HIF1A: variants seen among roughly 807,000 people sequenced by gnomAD.
HIF1A encodes the protein hypoxia inducible factor 1 subunit alpha.
Under a neutral mutation model 92.7 loss-of-function variants are expected in HIF1A, and 24 were observed. The ratio of observed to expected loss-of-function variants is 0.26; its 90% CI spans 0.19 to 0.36. The LOEUF (loss-of-function observed/expected upper bound fraction) is 0.36, where lower values mean the gene tolerates loss of function less well. HIF1A is among the 10% of genes least tolerant of loss of function. HIF1A has a pLI of 1.00. For synonymous variants in HIF1A, 319 were observed against 338.7 expected (o/e 0.94, Z 0.64); for missense variants, 799 against 998.5 (o/e 0.80, Z 2.69).
Position 61,747,080 on chromosome 14 carries a change from A to T in HIF1A, c.2476A>T (p.Asn826Tyr), listed in dbSNP as rs759636243. 1.9e-6 allele frequency: 3 copies of T among 1,603,582 alleles called. No individual in the cohort carries two copies. The change falls in exon 15 of 15, where the codon AAC becomes TAC. Residue 826 changes from asparagine to tyrosine, a missense_variant. Transcript: ENST00000337138. ...ATTACTCAGAGCTTTGGATCAAGTT[A>T]ACTGAGCTTTTTCTTAATTTCATTC... Reference protein sequence around the residue: ...EELLRALDQVN With the variant: ...EELLRALDQVY
rs1282575036 is a variant in HIF1A, at chr14:61,741,076, G to T, written c.1981G>T (p.Asp661Tyr). 6.2e-7 allele frequency: 1 copy of T among 1,613,738 alleles called. No individual in the cohort carries two copies. Among genetic ancestry groups the T allele is most frequent in the Admixed American group, 1.7e-5 (1 of 59,994 alleles). ...TAGTGCCACATCATCACCATATAGA[G>T]ATACTCAAAGTCGGACAGCCTCACC... The part of the protein sequence containing the change: ...TTSATSSPYR[D>Y]TQSRTASPNR... Residue 661 changes from aspartate (D) to tyrosine (Y), a missense_variant, in exon 12 of 15, where the codon GAT becomes TAT. This residue lies in a region of HIF1A where 283 missense variants were observed against 277.5 expected (regional missense o/e 1.02). Transcript: ENST00000337138.
Position 61,695,791 on chromosome 14 carries a change from G to A in HIF1A, c.-14G>A, listed in dbSNP as rs775154516. The A allele has an allele frequency of 1.9e-6, 3 of 1,596,392 alleles. No individual in the cohort carries two copies. Among genetic ancestry groups the A allele is most frequent in the Non-Finnish European group, 2.6e-6 (3 of 1,173,122 alleles). On this transcript the variant is annotated 5_prime_UTR_variant, in exon 1 of 15. Transcript: ENST00000337138. Reference sequence around the variant, plus strand: ...GGCCGCCCGCCGTGAAGACATCGCGGGGACCGATTCACCATGGAGGGCGCC... The same window carrying A: ...GGCCGCCCGCCGTGAAGACATCGCGAGGACCGATTCACCATGGAGGGCGCC...
chr14:61,733,152 C>T (rs1032591554), intron 7 of HIF1A, among the ~76,000 whole-genome samples: 14 of 152,114 alleles, frequency 9.2e-5, no homozygotes, highest in Admixed American at 2.6e-4. Flanking sequence ...GTGGAGCAAT[C>T]TCAGCTCACT....
chr14:61,717,223 TA>T (rs1723571212), intron 1 of HIF1A, among the ~76,000 whole-genome samples: 1 of 152,208 alleles, frequency 6.6e-6, no homozygotes, highest in Admixed American at 6.5e-5. Flanking sequence ...TTCTGTGGTA[TA>T]AAACTGATAA....
intron 6 of HIF1A, among the ~76,000 whole-genome samples, chr14:61,729,768 A>C (rs180728789): frequency 1.3e-5 from 2 of 152,246 alleles, no homozygotes; most frequent in Admixed American, 1.3e-4. Flanking sequence ...AGGGAGTGAC[A>C]TTCCCCTCTA....
intron 1 of HIF1A, among the ~76,000 whole-genome samples, chr14:61,696,342 C>CT (rs1418409306): frequency 6.6e-6 from 1 of 152,252 alleles, no homozygotes; most frequent in Non-Finnish European, 1.5e-5. Context: ...TTCCAGTGGA[C>CT]TTGGGGCCTT....
chr14:61,720,502 G>A lies in HIF1A; in HGVS notation c.156G>A (p.Ser52=), dbSNP rs768145418. ...HQLPLPHNVS[S]HLDKASVMRL... is the part of the protein sequence containing the mutation. ...TGCCACTTCCACATAATGTGAGTTC[G>A]CATCTTGATAAGGCCTCTGTGATGA... Residue 52 remains serine (S), a synonymous_variant, in exon 2 of 15, where the codon TCG becomes TCA. Coordinates refer to ENST00000337138, the MANE Select transcript of HIF1A (RefSeq NM_001530.4). 1.9e-5 allele frequency: 30 copies of A among 1,613,068 alleles called. No individual in the cohort carries two copies. Among genetic ancestry groups the A allele is most frequent in the African/African-American group, 2.7e-5 (2 of 74,854 alleles).
chr14:61,724,610 G>A (rs1178154821), intron 4 of HIF1A, among the ~76,000 whole-genome samples: 1 of 151,968 alleles, frequency 6.6e-6, no homozygotes, highest in Non-Finnish European at 1.5e-5. Flanking sequence ...AGTTAACCAT[G>A]CCTACATTTA....
chr14:61,742,323 G>T (rs1167557493), intron 12 of HIF1A, among the ~76,000 whole-genome samples: 1 of 152,158 alleles, frequency 6.6e-6, no homozygotes, highest in Non-Finnish European at 1.5e-5. Context: ...ATAGCAATAG[G>T]AAAGAACCAC....
intron 6 of HIF1A, among the ~76,000 whole-genome samples, chr14:61,732,010 C>T (rs1010642594): frequency 6.6e-6 from 1 of 152,158 alleles, no homozygotes; most frequent in Non-Finnish European, 1.5e-5. Flanking sequence ...GTGGCACATG[C>T]CTGTAATCCC....
chr14:61,729,635 G>A (rs1304486094), intron 6 of HIF1A, among the ~76,000 whole-genome samples: 1 of 152,146 alleles, frequency 6.6e-6, no homozygotes, highest in Non-Finnish European at 1.5e-5. Context: ...GCATGTAAAT[G>A]TATGATGGGA....
At chr14:61,704,335 G>A (rs17099117) in intron 1 of HIF1A, among the ~76,000 whole-genome samples, 1 of 151,942 alleles carries the variant, frequency 6.6e-6, no homozygotes, top group African/African-American at 2.4e-5. Context: ...TCCTTTACTT[G>A]GTTTTTTTTC....
At chr14:61,725,376 C>T (rs1382720724) in intron 4 of HIF1A, among the ~76,000 whole-genome samples, 1 of 151,914 alleles carries the variant, frequency 6.6e-6, no homozygotes. Context: ...AGCACACTGA[C>T]CAATGAAGAT....
rs2044109020 is a variant in HIF1A at position 61,695,958 on chromosome 14, C to T, written c.35+119C>T. On this transcript the variant is annotated intron_variant, in intron 1 of 14. Coordinates refer to ENST00000337138, the MANE Select transcript of HIF1A (RefSeq NM_001530.4). ...ATTGGGGGGGGCAGCCTTTTTGTTT[C>T]TGCTGCTGCTCCCCTCCCCTCTCTT... The T allele has an allele frequency of 3.4e-6, 3 of 882,924 alleles. No individual in the cohort carries two copies. In the South Asian group the frequency reaches 4.8e-5, roughly 14 times the overall value. 54.7% of individuals were successfully genotyped at this position (882,924 alleles called of 1,614,324 possible). A position where few individuals can be genotyped will look rare whatever the true frequency, so the allele number is the denominator to read the frequency against.
chr14:61,701,309 G>A (rs1178108023), intron 1 of HIF1A, among the ~76,000 whole-genome samples: 2 of 152,076 alleles, frequency 1.3e-5, no homozygotes, highest in African/African-American at 2.4e-5. Context: ...CTTGTAAATG[G>A]GAAAATGTAG....
At chr14:61,726,882 G>A in intron 5 of HIF1A, 64 bp downstream of exon 5, 1 of 902,812 alleles carries the variant, frequency 1.1e-6, no homozygotes, top group Non-Finnish European at 1.7e-6. Flanking sequence ...GTAGTATTAA[G>A]ATAACTTTAG....
chr14:61,713,621 A>G (rs2044331250), intron 1 of HIF1A, among the ~76,000 whole-genome samples: 1 of 152,130 alleles, frequency 6.6e-6, no homozygotes, highest in Non-Finnish European at 1.5e-5. Context: ...AGTGCATGGT[A>G]CTTGATAGAT....
chr14:61,736,103 C>T (rs2044634079), intron 8 of HIF1A, among the ~76,000 whole-genome samples: 1 of 151,866 alleles, frequency 6.6e-6, no homozygotes, highest in Non-Finnish European at 1.5e-5. Flanking sequence ...CTCAGCCTCC[C>T]AAGTAGCTGG....
intron 14 of HIF1A, among the ~76,000 whole-genome samples, chr14:61,746,505 G>C (rs1297973733): frequency 6.7e-6 from 1 of 148,152 alleles, no homozygotes; most frequent in Non-Finnish European, 1.5e-5. Context: ...TCAAGCTCAA[G>C]CAATCATCCT....
Sources: gnomAD v4.1 joint callset for allele counts (sites outside exome capture counted in the v4.1 genomes callset) on GRCh38, gnomAD v4.1.1 for gene constraint, gnomAD v4.1.1 regional missense constraint, MANE v1.5 for transcripts, NCBI Gene and HGNC (gene_info 2026-07-23, HGNC 2026-07-21) for gene names.